The following DENND5A variants were observed in gnomAD, a reference collection of about 807,000 sequenced individuals.
DENND5A encodes the protein DENN domain containing 5A.
In DENND5A, 64 loss-of-function variants were observed where a neutral mutation model predicts 140.3. The observed-to-expected ratio is 0.46, with a 90% CI of 0.37 to 0.56. The LOEUF is 0.56. Among genes scored for constraint, DENND5A ranks in the 20% least tolerant of loss-of-function variants. The pLI is 0.00. For synonymous variants in DENND5A, 605 were observed against 607.7 expected (o/e 1.00, Z 0.07); for missense variants, 1,292 against 1,593.8 (o/e 0.81, Z 3.22).
At chr11:9,174,102 CAAAAAAAAAAAAAAAA>C (rs57703622) in intron 8 of DENND5A, among the ~76,000 whole-genome samples, 656 of 42,178 alleles carry the variant, frequency 0.016, 11 homozygotes, top group Admixed American at 0.024. Flanking sequence ...GACTCCGTCT[CAAAAAAAAAAAAAAAA>C]AAAAAAAAAA....
intron 5 of DENND5A, among the ~76,000 whole-genome samples, chr11:9,185,428 A>G (rs369860659): frequency 6.6e-6 from 1 of 152,280 alleles, no homozygotes; most frequent in East Asian, 1.9e-4. Context: ...CTCCATTATT[A>G]AATAGCTCTT....
At chr11:9,214,288 A>G (rs1850001116) in intron 1 of DENND5A, among the ~76,000 whole-genome samples, 2 of 152,180 alleles carry the variant, frequency 1.3e-5, no homozygotes, top group Admixed American at 1.3e-4. Flanking sequence ...TATCTTCCAC[A>G]TAATTTCTGA....
chr11:9,229,763 T>C (rs980188973), intron 1 of DENND5A, among the ~76,000 whole-genome samples: 1 of 152,032 alleles, frequency 6.6e-6, no homozygotes, highest in African/African-American at 2.4e-5. Flanking sequence ...CCCCACCCAG[T>C]CTATTACCAT....
In DENND5A at chr11:9,265,245, G is replaced by A. The variant is rs1444467270; in HGVS notation, c.-176C>T. 4 of 258,652 alleles carry A rather than the reference G, an allele frequency of 1.5e-5. No homozygotes were observed. Among genetic ancestry groups the A allele is most frequent in the African/African-American group, 2.3e-5 (1 of 43,188 alleles). 16.0% of individuals were successfully genotyped at this position (258,652 alleles called of 1,614,324 possible). ...GCCGCCGCGGCTGCCGTGACGGGGC[G>A]GGGGGGCACCGGGCCGCCCCGCACC... On this transcript the variant is annotated 5_prime_UTR_variant, in exon 1 of 23. Coordinates refer to ENST00000328194, the MANE Select transcript of DENND5A (RefSeq NM_015213.4). The surrounding 1 kb of genome is among the most constrained non-coding windows in gnomAD (Gnocchi z 4.7).
intron 1 of DENND5A, among the ~76,000 whole-genome samples, chr11:9,240,571 T>C (rs1211005992): frequency 6.6e-6 from 1 of 151,760 alleles, no homozygotes; most frequent in African/African-American, 2.4e-5. Context: ...ATATACAGGA[T>C]TGGTGGCACC....
rs770776226 is a variant in DENND5A at position 9,139,389 on chromosome 11, C to T, written c.*282G>A. 2.4e-5 allele frequency: 10 copies of T among 416,334 alleles called. No homozygotes were observed. The highest frequency in any genetic ancestry group is 4.4e-5 in the Non-Finnish European group (10 of 226,536). The allele number at this position is 416,334 out of a possible 1,614,324, so 25.8% of individuals were successfully genotyped here. A position where few individuals can be genotyped will look rare whatever the true frequency, so the allele number is the denominator to read the frequency against. On this transcript the variant is annotated 3_prime_UTR_variant, in exon 23 of 23. Transcript: ENST00000328194. ...CTCAGTCCAGGGAGGCCTCAGGCTT[C>T]CAGCATGTGGCCACGGCGAGGGAGG...
chr11:9,160,666 AACAGGAAG>A, intron 12 of DENND5A, 39 bp downstream of exon 12: 2 of 1,562,714 alleles, frequency 1.3e-6, no homozygotes, highest in Non-Finnish European at 1.7e-6. Context: ...AGTAACTGAA[AACAGGAAG>A]ACAATTTGCT....
intron 5 of DENND5A, among the ~76,000 whole-genome samples, chr11:9,181,893 A>ATGAG (rs747690436): frequency 5.9e-5 from 9 of 152,066 alleles, no homozygotes; most frequent in Non-Finnish European, 1.2e-4. Context: ...TCTGAGCCTC[A>ATGAG]GTCTTAATTT....
intron 1 of DENND5A, among the ~76,000 whole-genome samples, chr11:9,264,291 T>C (rs996774919): frequency 1.3e-5 from 2 of 152,162 alleles, no homozygotes; most frequent in African/African-American, 2.4e-5. Flanking sequence ...ACTACAATGC[T>C]GCTACCCTTT....
intron 1 of DENND5A, among the ~76,000 whole-genome samples, chr11:9,231,806 T>C (rs1257043180): frequency 6.6e-6 from 1 of 151,752 alleles, no homozygotes; most frequent in Non-Finnish European, 1.5e-5. Context: ...AGAACTTTTA[T>C]AGTAATAAAT....
At chr11:9,200,438 C>G (rs1381929099) in intron 4 of DENND5A, among the ~76,000 whole-genome samples, 4 of 152,228 alleles carry the variant, frequency 2.6e-5, no homozygotes, top group Non-Finnish European at 5.9e-5. Context: ...AGTGAAGCCT[C>G]AGGAACTACA....
At position 9,165,144 on chromosome 11, in the gene DENND5A, T is replaced by C. The variant is rs1312772969; in HGVS notation, c.2283+692A>G. On this transcript the variant is annotated intron_variant, in intron 11 of 22. Transcript: ENST00000328194. Reference sequence around the variant, plus strand: ...TCTCCCAAGTAGCTGGGATTACAGGTGCATGCCACCACGCCCGGCTAAATT... The same window carrying C: ...TCTCCCAAGTAGCTGGGATTACAGGCGCATGCCACCACGCCCGGCTAAATT... 2.6e-5 allele frequency among the ~76,000 whole-genome samples: 4 copies of C among 152,046 alleles called. No individual in the cohort carries two copies. The South Asian group carries it at 8.3e-4, about 32-fold the overall frequency.
At chr11:9,161,436 G>A (rs2136140754) in intron 11 of DENND5A, among the ~76,000 whole-genome samples, 1 of 152,230 alleles carries the variant, frequency 6.6e-6, no homozygotes, top group Admixed American at 6.5e-5. Context: ...TCTGTATTCA[G>A]TTTTTGCATT....
In DENND5A at chr11:9,180,721, C is replaced by T. The variant is rs367708081; in HGVS notation, c.1455+46G>A. ...CATACCTTACTTCACCAGGACAGCA[C>T]CCTAGCACAGATCACACGTGTCACA... On this transcript the variant is annotated intron_variant, in intron 6 of 22. Transcript: ENST00000328194. 7.0e-6 allele frequency: 11 copies of T among 1,580,288 alleles called. No homozygotes were observed. In the African/African-American group the frequency reaches 1.1e-4, roughly 15 times the overall value.
At chr11:9,150,954 T>G (rs1046547788) in intron 13 of DENND5A, among the ~76,000 whole-genome samples, 190 bp from the exon 14 acceptor site, 1 of 152,222 alleles carries the variant, frequency 6.6e-6, no homozygotes, top group African/African-American at 2.4e-5. Flanking sequence ...ATGGATATTA[T>G]CTCATTTAAT....
At chr11:9,169,495 G>GCACGCA (rs1554916427) in intron 10 of DENND5A, among the ~76,000 whole-genome samples, 7 of 145,804 alleles carry the variant, frequency 4.8e-5, no homozygotes, top group Middle Eastern at 3.4e-3. Flanking sequence ...ATATACACAC[G>GCACGCA]CACACACACA....
At chr11:9,194,302 C>T (rs370710664) in intron 4 of DENND5A, among the ~76,000 whole-genome samples, 39 of 152,276 alleles carry the variant, frequency 2.6e-4, no homozygotes, top group East Asian at 1.7e-3. Context: ...TGGTGGCTCA[C>T]GCCTGTAATG....
At chr11:9,207,493 C>T (rs1849730630) in intron 2 of DENND5A, 68 bp downstream of exon 2, 4 of 1,200,162 alleles carry the variant, frequency 3.3e-6, no homozygotes, top group Non-Finnish European at 4.9e-6. Context: ...TTACAAAATG[C>T]CACTGGAGAG....
At chr11:9,264,890 A>C (rs1852374742) in intron 1 of DENND5A, 71 bp downstream of exon 1, 1 of 1,336,696 alleles carries the variant, frequency 7.5e-7, no homozygotes, top group Admixed American at 2.1e-5. Flanking sequence ...GCGGGGCTGA[A>C]GGAAGGTTTC....
Sources: allele counts gnomAD v4.1 joint callset (sites outside exome capture counted in the v4.1 genomes callset), GRCh38; gene constraint gnomAD v4.1.1; non-coding constraint Gnocchi (gnomAD v3.1); transcripts MANE v1.5; gene names NCBI Gene and HGNC (gene_info 2026-07-23, HGNC 2026-07-21).